Variants in CECR2 observed in about 807,000 individuals in gnomAD.
CECR2 encodes the protein CECR2 histone acetyl-lysine reader.
Under a neutral mutation model 154.5 loss-of-function variants are expected in CECR2, and 30 were observed. The ratio of observed to expected loss-of-function variants is 0.19; its 90% CI spans 0.15 to 0.26. The LOEUF (loss-of-function observed/expected upper bound fraction) is 0.26. Among genes scored for constraint, CECR2 ranks in the 10% least tolerant of loss-of-function variants. CECR2 has a pLI of 1.00. For missense variants in CECR2, 1,743 were observed against 1,829.3 expected (o/e 0.95, Z 0.86); for synonymous variants, 725 against 683.7 (o/e 1.06, Z -0.94).
At position 17,549,436 on chromosome 22, in the gene CECR2, C is replaced by G. The variant is rs2056671492; in HGVS notation, c.4149C>G (p.Leu1383=). The change falls in exon 17 of 19, where the codon CTC becomes CTG. Residue 1383 remains leucine, a synonymous_variant. Transcript: ENST00000262608. ...CAGGGGCCACCCAGCCCAACGGCCT[C>G]TCTCAGGAGGGTCCCATCTATCGCT... ...HHPGATQPNG[L]SQEGPIYRCQ... is the part of the protein sequence containing the mutation. 7 of 1,613,154 alleles carry G rather than the reference C, an allele frequency of 4.3e-6. No homozygotes were observed. The highest frequency in any genetic ancestry group is 5.9e-6 in the Non-Finnish European group (7 of 1,179,506).
At chr22:17,398,175 C>T (rs1489905246) in intron 1 of CECR2, among the ~76,000 whole-genome samples, 2 of 150,716 alleles carry the variant, frequency 1.3e-5, no homozygotes, top group African/African-American at 4.9e-5. Context: ...TTTGTATCAT[C>T]TGTTAATTGC....
intron 1 of CECR2, among the ~76,000 whole-genome samples, chr22:17,428,842 G>C (rs2054374937): frequency 7.4e-6 from 1 of 134,496 alleles, no homozygotes; most frequent in Non-Finnish European, 1.6e-5. Flanking sequence ...AAAGGCAGCA[G>C]AGTCATCTGG....
At chr22:17,389,929 G>T (rs2063308874) in intron 1 of CECR2, among the ~76,000 whole-genome samples, 1 of 152,024 alleles carries the variant, frequency 6.6e-6, no homozygotes, top group Non-Finnish European at 1.5e-5. Context: ...TGCCTGGCCG[G>T]AATATTCTCT....
At chr22:17,414,779 G>A (rs1044907807) in intron 1 of CECR2, among the ~76,000 whole-genome samples, 7 of 151,968 alleles carry the variant, frequency 4.6e-5, no homozygotes, top group East Asian at 1.9e-4. Flanking sequence ...TCTCTAGGAC[G>A]GGAGAAAAAT....
chr22:17,525,089 G>T (rs1601514488), intron 9 of CECR2, among the ~76,000 whole-genome samples: 2 of 148,992 alleles, frequency 1.3e-5, no homozygotes, highest in Non-Finnish European at 1.5e-5. Context: ...TTCGAGACCA[G>T]CCTGACCAAC....
At chr22:17,469,801 T>C (rs752057136) in intron 1 of CECR2, among the ~76,000 whole-genome samples, 2 of 152,310 alleles carry the variant, frequency 1.3e-5, no homozygotes, top group East Asian at 1.9e-4. Flanking sequence ...TGCCCTCTTC[T>C]CTTGCATGCC....
At chr22:17,464,850 G>A (rs1009369820) in intron 1 of CECR2, among the ~76,000 whole-genome samples, 4 of 152,126 alleles carry the variant, frequency 2.6e-5, no homozygotes, top group African/African-American at 9.7e-5. Flanking sequence ...TCGAGAGCAC[G>A]TCAGCCTCTC....
At chr22:17,486,927 G>A (rs778815651) in intron 2 of CECR2, among the ~76,000 whole-genome samples, 11 of 152,052 alleles carry the variant, frequency 7.2e-5, no homozygotes, top group Admixed American at 1.3e-4. Context: ...GGCTTGGGCT[G>A]GGGCCTGGGA....
intron 1 of CECR2, among the ~76,000 whole-genome samples, chr22:17,453,430 G>A (rs1023287545): frequency 2.0e-5 from 3 of 152,028 alleles, no homozygotes; most frequent in African/African-American, 4.8e-5. Context: ...CAACAAGAGC[G>A]AAATTCCATC....
intron 2 of CECR2, among the ~76,000 whole-genome samples, chr22:17,489,026 A>T (rs1382825145): frequency 6.6e-6 from 1 of 152,156 alleles, no homozygotes; most frequent in Non-Finnish European, 1.5e-5. Context: ...ATCTCTGCTC[A>T]CTGCAACCTC....
chr22:17,418,789 GC>G, intron 1 of CECR2: 1 of 249,376 alleles, frequency 4.0e-6, no homozygotes, highest in East Asian at 1.3e-4. Flanking sequence ...AGGGAGGACA[GC>G]AGCTCTGTGT....
chr22:17,555,713 G>A lies in CECR2; in HGVS notation c.*2873G>A, dbSNP rs1371709642. On this transcript the variant is annotated 3_prime_UTR_variant, in exon 19 of 19. Coordinates refer to ENST00000262608, the MANE Select transcript of CECR2 (RefSeq NM_001290047.2). ...TGTGATATGTTATATTTAGGAAGTA[G>A]TGTGTAAGGTATCCTGAAAAGGTTT... 1.3e-5 allele frequency: 2 copies of A among 152,204 alleles called. No individual in the cohort carries two copies. The highest frequency in any genetic ancestry group is 4.8e-5 in the African/African-American group (2 of 41,440). 9.4% of individuals were successfully genotyped at this position (152,204 alleles called of 1,614,324 possible). A position where few individuals can be genotyped will look rare whatever the true frequency, so the allele number is the denominator to read the frequency against.
At position 17,429,000 on chromosome 22, in the gene CECR2, ATTG is replaced by A. The variant is rs371201207; in HGVS notation, c.127-48585_127-48583del. Among the ~76,000 whole-genome samples the A allele has an allele frequency of 9.0e-3, 1,374 of 152,106 alleles. 20 individuals are homozygous for A. Among genetic ancestry groups the A allele is most frequent in the African/African-American group, 0.032 (1,314 of 41,462 alleles). On this transcript the variant is annotated intron_variant, in intron 1 of 18. Transcript: ENST00000262608. ...GGTACCAGTGTACATGTGTGAGTCT[ATTG>A]TTTTTCATTTTTCCAGTGCTCAGAT...
At chr22:17,479,989 G>T (rs2055278825) in intron 2 of CECR2, among the ~76,000 whole-genome samples, 1 of 151,828 alleles carries the variant, frequency 6.6e-6, no homozygotes, top group Admixed American at 6.6e-5. Flanking sequence ...TGAACTCCTG[G>T]TCTCAAGCGA....
chr22:17,440,950 G>T (rs949063926), intron 1 of CECR2, among the ~76,000 whole-genome samples: 6 of 151,626 alleles, frequency 4.0e-5, no homozygotes, highest in African/African-American at 1.2e-4. Context: ...ACTGTTTTTG[G>T]GGGGGAGGGG....
chr22:17,549,973 A>G (rs1167520961), intron 17 of CECR2, among the ~76,000 whole-genome samples: 1 of 150,382 alleles, frequency 6.6e-6, no homozygotes, highest in Admixed American at 6.8e-5. Context: ...TGAAGATAAC[A>G]GTTCATGGTC....
At chr22:17,440,047 G>A (rs1297579207) in intron 1 of CECR2, among the ~76,000 whole-genome samples, 1 of 149,976 alleles carries the variant, frequency 6.7e-6, no homozygotes, top group African/African-American at 2.5e-5. Context: ...CTGCATGTAT[G>A]TATATATGAA....
At chr22:17,417,085 C>T (rs1277925786) in intron 1 of CECR2, among the ~76,000 whole-genome samples, 1 of 149,690 alleles carries the variant, frequency 6.7e-6, no homozygotes, top group African/African-American at 2.5e-5. Flanking sequence ...TTATCACATA[C>T]AGTGGTAGAT....
At chr22:17,454,443 A>G (rs778097432) in intron 1 of CECR2, among the ~76,000 whole-genome samples, 1 of 151,802 alleles carries the variant, frequency 6.6e-6, no homozygotes, top group South Asian at 2.1e-4. Flanking sequence ...ATCTCTACCA[A>G]AAATACAAAA....
Sources: allele counts gnomAD v4.1 joint callset (sites outside exome capture counted in the v4.1 genomes callset), GRCh38; gene constraint gnomAD v4.1.1; transcripts MANE v1.5; gene names NCBI Gene and HGNC (gene_info 2026-07-23, HGNC 2026-07-21).